The following NCAM2 variants were observed in gnomAD, a reference collection of about 807,000 sequenced individuals.
NCAM2 encodes neural cell adhesion molecule 2, also known as N-CAM-2.
In NCAM2, 30 loss-of-function variants were observed where a neutral mutation model predicts 98.1. That is an observed-to-expected ratio of 0.31 (90% confidence interval 0.23 to 0.41). The LOEUF is 0.41. NCAM2 is among the 10% of genes least tolerant of loss of function. NCAM2 has a pLI of 1.00. For missense variants in NCAM2, 867 were observed against 1,005.8 expected (o/e 0.86, Z 1.87); for synonymous variants, 368 against 342.4 (o/e 1.07, Z -0.83).
At chr21:21,142,412 C>T (rs2067188309) in intron 1 of NCAM2, among the ~76,000 whole-genome samples, 1 of 122,304 alleles carries the variant, frequency 8.2e-6, no homozygotes, top group Non-Finnish European at 1.6e-5. Context: ...AGAGTCTCAC[C>T]CTGTCGTCCA....
At chr21:21,165,079 G>A (rs1321841817) in intron 1 of NCAM2, among the ~76,000 whole-genome samples, 1 of 152,080 alleles carries the variant, frequency 6.6e-6, no homozygotes, top group Non-Finnish European at 1.5e-5. Flanking sequence ...AAAACTCAGA[G>A]GACTCAGAAA....
chr21:21,383,250 CT>C (rs2076197675), intron 9 of NCAM2, among the ~76,000 whole-genome samples: 1 of 152,108 alleles, frequency 6.6e-6, no homozygotes, highest in East Asian at 1.9e-4. Context: ...TGACTCAAAC[CT>C]CAAGTGATTT....
intron 8 of NCAM2, among the ~76,000 whole-genome samples, chr21:21,372,094 A>G (rs2075931151): frequency 6.6e-6 from 1 of 151,864 alleles, no homozygotes. Flanking sequence ...AGGTGAGGCC[A>G]CAAAAAATAA....
intron 6 of NCAM2, among the ~76,000 whole-genome samples, chr21:21,330,172 T>C (rs568462129): frequency 5.8e-4 from 89 of 152,232 alleles, no homozygotes; most frequent in Non-Finnish European, 1.1e-3. Flanking sequence ...ATTTTTATTA[T>C]TATTTTCCTC....
At chr21:21,446,695 C>A (rs1400733005) in intron 12 of NCAM2, among the ~76,000 whole-genome samples, 3 of 152,064 alleles carry the variant, frequency 2.0e-5, no homozygotes, top group Admixed American at 6.6e-5. Flanking sequence ...TAAGAAACTT[C>A]AGCAGACTCT....
At chr21:21,066,085 G>A (rs2065430731) in intron 1 of NCAM2, among the ~76,000 whole-genome samples, 1 of 152,140 alleles carries the variant, frequency 6.6e-6, no homozygotes, top group Non-Finnish European at 1.5e-5. Context: ...GAGACACAAG[G>A]ACGATACTTC....
chr21:21,191,366 T>C (rs779313153), intron 1 of NCAM2, among the ~76,000 whole-genome samples: 1 of 152,210 alleles, frequency 6.6e-6, no homozygotes, highest in African/African-American at 2.4e-5. Flanking sequence ...TCTCAAATCC[T>C]GTTGTGACCT....
chr21:21,278,019 G>A (rs569950209), intron 1 of NCAM2, among the ~76,000 whole-genome samples: 3 of 152,126 alleles, frequency 2.0e-5, no homozygotes, highest in Non-Finnish European at 4.4e-5. Flanking sequence ...ATTTGAAATT[G>A]AAGTATGCTA....
At chr21:21,442,099 C>A (rs983696682) in intron 12 of NCAM2, among the ~76,000 whole-genome samples, 1 of 152,094 alleles carries the variant, frequency 6.6e-6, no homozygotes, top group African/African-American at 2.4e-5. Flanking sequence ...GACTTCAATT[C>A]TTTTTCTGGT....
chr21:21,350,890 A>G (rs1315807907), intron 8 of NCAM2, among the ~76,000 whole-genome samples: 1 of 150,692 alleles, frequency 6.6e-6, no homozygotes, highest in African/African-American at 2.4e-5. Flanking sequence ...GATGGAGACC[A>G]TCATGGCTAA....
chr21:21,187,656 A>G (rs559782165), intron 1 of NCAM2, among the ~76,000 whole-genome samples: 1 of 152,330 alleles, frequency 6.6e-6, no homozygotes, highest in African/African-American at 2.4e-5. Context: ...CATGACATAA[A>G]CCATGTAAAT....
chr21:21,185,959 T>G (rs1460327636), intron 1 of NCAM2, among the ~76,000 whole-genome samples: 1 of 152,124 alleles, frequency 6.6e-6, no homozygotes, highest in Non-Finnish European at 1.5e-5. Context: ...CAGGTCAAAG[T>G]GAGGAAGCAG....
chr21:21,260,555 C>T (rs1201119851), intron 1 of NCAM2, among the ~76,000 whole-genome samples: 2 of 48,248 alleles, frequency 4.1e-5, no homozygotes, highest in African/African-American at 7.7e-5. Context: ...TCTTTTTAGC[C>T]TTCTTGAAGA....
intron 8 of NCAM2, among the ~76,000 whole-genome samples, chr21:21,368,340 T>A (rs1391269192): frequency 1.3e-5 from 2 of 151,856 alleles, no homozygotes; most frequent in Non-Finnish European, 2.9e-5. Flanking sequence ...CACTTCCACC[T>A]TAATATATTT....
intron 1 of NCAM2, among the ~76,000 whole-genome samples, chr21:21,096,308 T>A (rs1287508507): frequency 6.6e-6 from 1 of 151,702 alleles, no homozygotes; most frequent in Non-Finnish European, 1.5e-5. Context: ...ATATTAACGA[T>A]CTCTGAAAGT....
chr21:21,411,789 T>A (rs2847460), intron 10 of NCAM2, among the ~76,000 whole-genome samples: 99,962 of 152,016 alleles, frequency 0.66, 33,575 homozygotes, highest in African/African-American at 0.79. Flanking sequence ...ATTTAGACTT[T>A]AAAAAAATTC....
At position 21,225,768 on chromosome 21, in the gene NCAM2, AAG is replaced by A. The variant is rs1568796824; in HGVS notation, c.56-54809_56-54808del. 2.0e-3 allele frequency among the ~76,000 whole-genome samples: 308 copies of A among 152,224 alleles called. 3 individuals are homozygous for A. The highest frequency in any genetic ancestry group is 7.1e-3 in the African/African-American group (297 of 41,558). ...AATCACAGCATGTAATAATATTCCA[AAG>A]TTGATTTGGAGTGTGGCCAACACAC... On this transcript the variant is annotated intron_variant, in intron 1 of 17. Coordinates refer to ENST00000400546, the MANE Select transcript of NCAM2 (RefSeq NM_004540.5).
chr21:21,463,916 C>T (rs1031122268), intron 12 of NCAM2: 1 of 151,658 alleles, frequency 6.6e-6, no homozygotes, highest in African/African-American at 2.4e-5. Flanking sequence ...TAATTAATAA[C>T]CTCAACTTTT....
At chr21:21,259,615 A>G (rs902471488) in intron 1 of NCAM2, among the ~76,000 whole-genome samples, 4 of 152,060 alleles carry the variant, frequency 2.6e-5, no homozygotes, top group African/African-American at 9.7e-5. Flanking sequence ...CCACCAAATA[A>G]AAAACCTGCT....
Sources: gnomAD v4.1 joint callset for allele counts (sites outside exome capture counted in the v4.1 genomes callset) on GRCh38, gnomAD v4.1.1 for gene constraint, MANE v1.5 for transcripts, NCBI Gene and HGNC (gene_info 2026-07-23, HGNC 2026-07-21) for gene names.